Variants in SPPL3 observed in about 807,000 individuals in gnomAD.
The protein encoded by SPPL3 is signal peptide peptidase-like 3.
SPPL3 carries 5 observed loss-of-function variants against 42.4 expected under a neutral mutation model. That is an observed-to-expected ratio of 0.12 (90% CI 0.06 to 0.25). SPPL3 has a LOEUF of 0.25. Among genes scored for constraint, SPPL3 ranks in the 10% least tolerant of loss-of-function variants. The pLI is 1.00. For missense variants in SPPL3, 235 were observed against 489.0 expected (o/e 0.48, Z 4.90); for synonymous variants, 195 against 181.8 (o/e 1.07, Z -0.58).
chr12:120,833,770 TG>T (rs1871516360), intron 1 of SPPL3, among the ~76,000 whole-genome samples: 1 of 4,082 alleles, frequency 2.4e-4, no homozygotes, highest in Admixed American at 5.1e-3. Context: ...TTTTAAAGTG[TG>T]TGTGTGTGTG....
intron 8 of SPPL3, 40 bp from the exon 9 acceptor site, chr12:120,767,633 C>CA: frequency 6.2e-7 from 1 of 1,601,458 alleles, no homozygotes; most frequent in Non-Finnish European, 8.6e-7. Context: ...TCACACTCTA[C>CA]AATCCAGTTT....
At position 120,764,608 on chromosome 12, in the gene SPPL3, GTTTGCTAA is replaced by G. The variant is rs1868808133; in HGVS notation, c.*383_*390del. On this transcript the variant is annotated 3_prime_UTR_variant, in exon 11 of 11. Coordinates refer to ENST00000353487, the MANE Select transcript of SPPL3 (RefSeq NM_139015.5). ...TCGAGGGGTCATTGAAGAAACTTCG[GTTTGCTAA>G]TTTTTTTCATCCTTTTAGTGTTCAA... The G allele has an allele frequency of 2.8e-6, 1 of 353,678 alleles. No individual in the cohort carries two copies. The allele number at this position is 353,678 out of a possible 1,614,324, so 21.9% of individuals were successfully genotyped here. A position where few individuals can be genotyped will look rare whatever the true frequency, so the allele number is the denominator to read the frequency against.
chr12:120,765,492 T>C (rs1375148477), intron 10 of SPPL3, among the ~76,000 whole-genome samples: 1 of 152,142 alleles, frequency 6.6e-6, no homozygotes, highest in Non-Finnish European at 1.5e-5. Context: ...TTCACCATAT[T>C]GGCCAGGCTG....
intron 6 of SPPL3, among the ~76,000 whole-genome samples, chr12:120,772,125 G>T (rs553722221): frequency 6.6e-6 from 1 of 152,246 alleles, no homozygotes; most frequent in South Asian, 2.1e-4. Context: ...GGGTTCAAGT[G>T]ATTCTCCTGT....
At chr12:120,862,827 G>A (rs565312336) in intron 1 of SPPL3, among the ~76,000 whole-genome samples, 4 of 152,194 alleles carry the variant, frequency 2.6e-5, no homozygotes, top group African/African-American at 9.6e-5. Flanking sequence ...GAGGGAAGGG[G>A]TTATATTTCC....
chr12:120,820,275 G>T (rs1871018064), intron 1 of SPPL3, among the ~76,000 whole-genome samples: 1 of 147,120 alleles, frequency 6.8e-6, no homozygotes, highest in African/African-American at 2.5e-5. Context: ...GAAATATGTT[G>T]AAATAGGACT....
intron 1 of SPPL3, among the ~76,000 whole-genome samples, chr12:120,876,888 C>T (rs1470923221): frequency 6.6e-6 from 1 of 150,406 alleles, no homozygotes; most frequent in African/African-American, 2.4e-5. Context: ...TGAGTGCAGA[C>T]ATCAAAAAAA....
chr12:120,763,151 T>G lies in SPPL3; in HGVS notation c.*1848A>C, dbSNP rs1215279719. 1 of 152,252 alleles carries G rather than the reference T, an allele frequency of 6.6e-6. No homozygotes were observed. The highest frequency in any genetic ancestry group is 1.5e-5 in the Non-Finnish European group (1 of 68,078). The allele number at this position is 152,252 out of a possible 1,614,324, so 9.4% of individuals were successfully genotyped here. A position where few individuals can be genotyped will look rare whatever the true frequency, so the allele number is the denominator to read the frequency against. The stretch of plus-strand genomic sequence containing the variant: ...TCTGGGGACAGACAGAGTCTTCCCA[T>G]CAGTCTTCCAGAACAGGGAGGAGAT... On this transcript the variant is annotated 3_prime_UTR_variant, in exon 11 of 11. Transcript: ENST00000353487.
intron 3 of SPPL3, 30 bp from the exon 4 acceptor site, chr12:120,784,623 C>A: frequency 6.3e-7 from 1 of 1,577,618 alleles, no homozygotes; most frequent in South Asian, 1.2e-5. Context: ...AGATTAATAA[C>A]TTATTATGCA....
intron 1 of SPPL3, among the ~76,000 whole-genome samples, chr12:120,830,070 T>A (rs1871350418): frequency 6.7e-6 from 1 of 149,530 alleles, no homozygotes; most frequent in Non-Finnish European, 1.5e-5. Flanking sequence ...AGTATCCCAG[T>A]GAAAAGACAG....
intron 2 of SPPL3, among the ~76,000 whole-genome samples, chr12:120,794,649 A>G (rs620772): frequency 0.76 from 114,875 of 152,114 alleles, 44,442 homozygotes; most frequent in African/African-American, 0.91. Context: ...GCCTGCCCTG[A>G]CCTCCCAAAG....
At chr12:120,892,432 A>ATTGCAGT (rs1873668779) in intron 1 of SPPL3, among the ~76,000 whole-genome samples, 1 of 152,188 alleles carries the variant, frequency 6.6e-6, no homozygotes, top group Admixed American at 6.5e-5. Flanking sequence ...AGGGGAAAAC[A>ATTGCAGT]TTGCAGTCAG....
intron 1 of SPPL3, among the ~76,000 whole-genome samples, chr12:120,849,598 G>A (rs1303011963): frequency 2.0e-5 from 3 of 152,182 alleles, no homozygotes; most frequent in African/African-American, 7.2e-5. Context: ...TACTCTGTAC[G>A]AAGTGATTTT....
intron 1 of SPPL3, among the ~76,000 whole-genome samples, chr12:120,840,785 T>C (rs1002117313): frequency 3.3e-5 from 5 of 151,820 alleles, no homozygotes; most frequent in African/African-American, 7.3e-5. Context: ...TGAGACAAGA[T>C]TGTGCCATTA....
chr12:120,885,888 CTT>C (rs1203293776), intron 1 of SPPL3, among the ~76,000 whole-genome samples: 2 of 124,774 alleles, frequency 1.6e-5, no homozygotes, highest in African/African-American at 3.1e-5. Flanking sequence ...GAGTTTTGCT[CTT>C]GTTGCCCAGG....
At chr12:120,845,139 C>T in intron 1 of SPPL3, 1 of 440,024 alleles carries the variant, frequency 2.3e-6, no homozygotes, top group Non-Finnish European at 4.5e-6. Context: ...GACTAGACAG[C>T]CAGCCCAGTC....
chr12:120,826,721 T>C (rs527414785), intron 1 of SPPL3, among the ~76,000 whole-genome samples: 55 of 152,140 alleles, frequency 3.6e-4, no homozygotes, highest in Non-Finnish European at 7.2e-4. Flanking sequence ...AGGTCTTTGA[T>C]CTTTAGCTTC....
intron 1 of SPPL3, among the ~76,000 whole-genome samples, chr12:120,855,012 G>C (rs969148876): frequency 6.6e-6 from 1 of 152,176 alleles, no homozygotes; most frequent in African/African-American, 2.4e-5. Flanking sequence ...GGAAGGGACA[G>C]GGAAGGAAGA....
chr12:120,817,659 T>G (rs1344016923), intron 1 of SPPL3, among the ~76,000 whole-genome samples: 2 of 152,186 alleles, frequency 1.3e-5, no homozygotes, highest in East Asian at 3.9e-4. Flanking sequence ...AAACTCTTCA[T>G]TTTCCCTCTG....
Sources: gnomAD v4.1 joint callset for allele counts (sites outside exome capture counted in the v4.1 genomes callset) on GRCh38, gnomAD v4.1.1 for gene constraint, MANE v1.5 for transcripts, NCBI Gene and HGNC (gene_info 2026-07-23, HGNC 2026-07-21) for gene names.